Variants in IMMP2L observed in about 807,000 individuals in gnomAD.
IMMP2L encodes the protein inner mitochondrial membrane peptidase subunit 2, also known as mitochondrial inner membrane protease subunit 2.
A neutral mutation model predicts 19.3 loss-of-function variants in IMMP2L; 18 were observed. The observed-to-expected ratio is 0.93, with a 90% CI of 0.64 to 1.38. The LOEUF is 1.38. Among genes scored for constraint, IMMP2L ranks in the 40% most tolerant of loss-of-function variants. IMMP2L has a pLI of 0.00. For missense variants in IMMP2L, 233 were observed against 218.2 expected, an observed-to-expected ratio of 1.07 and a Z score of -0.43; for synonymous variants, 76 against 73.0, an observed-to-expected ratio of 1.04 and a Z score of -0.21.
At chr7:111,490,807 G>A (rs1336197330) in intron 2 of IMMP2L, among the ~76,000 whole-genome samples, 1 of 152,070 alleles carries the variant, frequency 6.6e-6, no homozygotes, top group Non-Finnish European at 1.5e-5. Flanking sequence ...CTTACCATGT[G>A]TCCTGGTCTA....
At chr7:111,525,265 G>T (rs1219983760) in intron 1 of IMMP2L, among the ~76,000 whole-genome samples, 1 of 152,208 alleles carries the variant, frequency 6.6e-6, no homozygotes, top group African/African-American at 2.4e-5. Flanking sequence ...CCCTGGGTCA[G>T]GAGTGGCCAT....
In IMMP2L at chr7:110,941,332, A is replaced by G. The variant is rs187376194; in HGVS notation, c.305+22168T>C. 3.5e-3 allele frequency among the ~76,000 whole-genome samples: 528 copies of G among 152,298 alleles called. 6 individuals carry two copies. The highest frequency in any genetic ancestry group is 0.012 in the African/African-American group (511 of 41,570). On this transcript the variant is annotated intron_variant, in intron 4 of 5. Coordinates refer to ENST00000405709, the MANE Select transcript of IMMP2L (RefSeq NM_032549.4). The stretch of plus-strand genomic sequence containing the variant: ...ATAATTTCTTTCTAAATCTTCATTT[A>G]TCTGCAGCTATTGTGACTGTCTGGG...
chr7:111,001,412 AATT>A (rs1239419490), intron 3 of IMMP2L, among the ~76,000 whole-genome samples: 1 of 152,134 alleles, frequency 6.6e-6, no homozygotes. Context: ...ACAAAAACAA[AATT>A]ATTAAATAAA....
chr7:110,776,593 T>C (rs750337030), intron 5 of IMMP2L, among the ~76,000 whole-genome samples: 32 of 152,020 alleles, frequency 2.1e-4, no homozygotes, highest in Non-Finnish European at 4.1e-4. Context: ...AATTGTTGAA[T>C]TGAGTAGGAA....
intron 3 of IMMP2L, among the ~76,000 whole-genome samples, chr7:111,183,206 G>A (rs2129611426): frequency 6.6e-6 from 1 of 152,162 alleles, no homozygotes; most frequent in South Asian, 2.1e-4. Context: ...CATAAACATT[G>A]TGTTTTTATG....
intron 3 of IMMP2L, among the ~76,000 whole-genome samples, chr7:111,459,304 G>T (rs1169727739): frequency 2.0e-5 from 3 of 151,968 alleles, no homozygotes; most frequent in Non-Finnish European, 4.4e-5. Flanking sequence ...AATTGTTAAG[G>T]TTCTTGATAA....
In IMMP2L at chr7:111,123,381, C is replaced by A. The variant is rs1333071810; in HGVS notation, c.240-159816G>T. The A allele has an allele frequency of 1.2e-6, 2 of 1,613,802 alleles. No individual in the cohort carries two copies. The highest frequency in any genetic ancestry group is 2.2e-5 in the East Asian group (1 of 44,844). On this transcript the variant is annotated intron_variant, in intron 3 of 5. Transcript: ENST00000405709. This position sits in a 1 kb window ranked among gnomAD's most constrained non-coding sequence, Gnocchi z 6.4. ...TTGGGGAAAATCCAATTATCAGAAT[C>A]AAAGACATGAACTTTAAGCCTCTTA... is the stretch of plus-strand genomic sequence containing the variant.
At chr7:111,074,082 T>C (rs1267408285) in intron 3 of IMMP2L, among the ~76,000 whole-genome samples, 2 of 152,152 alleles carry the variant, frequency 1.3e-5, no homozygotes, top group African/African-American at 2.4e-5. Flanking sequence ...ATTTTGACTA[T>C]TGAACTACAT....
chr7:111,411,330 C>A, intron 3 of IMMP2L: 1 of 373,918 alleles, frequency 2.7e-6, no homozygotes, highest in Non-Finnish European at 5.3e-6. Flanking sequence ...ACCGATATAC[C>A]CAGGACCTAG....
chr7:111,501,918 T>C (rs1443902427), intron 2 of IMMP2L, among the ~76,000 whole-genome samples: 4 of 152,028 alleles, frequency 2.6e-5, no homozygotes, highest in Non-Finnish European at 4.4e-5. Flanking sequence ...CATCAACTAA[T>C]GAGCAAAATA....
chr7:111,124,046 C>T (rs1198482482), intron 3 of IMMP2L: 1 of 1,613,920 alleles, frequency 6.2e-7, no homozygotes, highest in Non-Finnish European at 8.5e-7. Context: ...CTTATAGCTC[C>T]TGAGAGCTTT....
In IMMP2L at chr7:111,052,789, T is replaced by C. The variant is rs146372489; in HGVS notation, c.240-89224A>G. Among the ~76,000 whole-genome samples the C allele has an allele frequency of 5.9e-5, 9 of 152,298 alleles. No individual in the cohort carries two copies. The East Asian group carries it at 1.4e-3, about 23-fold the overall frequency. On this transcript the variant is annotated intron_variant, in intron 3 of 5. Coordinates refer to ENST00000405709, the MANE Select transcript of IMMP2L (RefSeq NM_032549.4). ...ATAGTAATATCAATAGTAGTATCAATAGCCTGCCAAGAAAGAAGACAGAGA... is the reference window on the plus strand; with the variant it reads ...ATAGTAATATCAATAGTAGTATCAACAGCCTGCCAAGAAAGAAGACAGAGA...
intron 1 of IMMP2L, among the ~76,000 whole-genome samples, chr7:111,527,705 A>G (rs1282188697): frequency 2.6e-5 from 4 of 152,298 alleles, no homozygotes; most frequent in East Asian, 1.9e-4. Flanking sequence ...CATTTTAAAT[A>G]TAGATAAAGA....
At chr7:110,866,465 T>C (rs1585075462) in intron 5 of IMMP2L, among the ~76,000 whole-genome samples, 1 of 151,752 alleles carries the variant, frequency 6.6e-6, no homozygotes, top group Non-Finnish European at 1.5e-5. Flanking sequence ...ACCAACTGGC[T>C]TCCCTGTGCC....
intron 5 of IMMP2L, among the ~76,000 whole-genome samples, chr7:110,733,935 C>T (rs1337401165): frequency 6.6e-6 from 1 of 152,068 alleles, no homozygotes; most frequent in African/African-American, 2.4e-5. Flanking sequence ...CTTTAACTTC[C>T]CAGCCTCCTG....
chr7:111,035,363 G>T (rs994495102), intron 3 of IMMP2L, among the ~76,000 whole-genome samples: 7 of 152,134 alleles, frequency 4.6e-5, no homozygotes, highest in Non-Finnish European at 1.0e-4. Flanking sequence ...TCTAAAGCAA[G>T]CAAGAAATAG....
intron 4 of IMMP2L, among the ~76,000 whole-genome samples, chr7:110,896,944 C>T (rs988800542): frequency 4.6e-5 from 7 of 151,950 alleles, no homozygotes; most frequent in African/African-American, 1.2e-4. Flanking sequence ...TCCCAAGTTG[C>T]GAGGACTGCA....
intron 3 of IMMP2L, among the ~76,000 whole-genome samples, chr7:111,031,410 G>GAC (rs1790806950): frequency 6.6e-6 from 1 of 151,898 alleles, no homozygotes; most frequent in Non-Finnish European, 1.5e-5. Context: ...GTGTGTGTGA[G>GAC]AGAAAGAGAA....
chr7:111,457,446 ACTGT>A (rs1470513465), intron 3 of IMMP2L, among the ~76,000 whole-genome samples: 1 of 152,316 alleles, frequency 6.6e-6, no homozygotes. Context: ...GACTAAGGAC[ACTGT>A]CTGTACCAAT....
Sources: gnomAD v4.1 joint callset for allele counts (sites outside exome capture counted in the v4.1 genomes callset) on GRCh38, gnomAD v4.1.1 for gene constraint, Gnocchi (gnomAD v3.1) non-coding constraint, MANE v1.5 for transcripts, NCBI Gene and HGNC (gene_info 2026-07-23, HGNC 2026-07-21) for gene names.